The following MANBA variants were observed in gnomAD, a reference collection of about 807,000 sequenced individuals.
MANBA encodes the protein mannosidase beta.
A neutral mutation model predicts 111.1 loss-of-function variants in MANBA; 83 were observed. The ratio of observed to expected loss-of-function variants is 0.75; its 90% confidence interval spans 0.63 to 0.90. The LOEUF is 0.90. Ranked by LOEUF, MANBA falls within the 40% of genes least tolerant of loss-of-function variation. The probability of loss-of-function intolerance (pLI) is 0.00; values close to 1 mark genes in which losing one functional copy is unlikely to be tolerated. For synonymous variants in MANBA, 370 were observed against 378.7 expected, an observed-to-expected ratio of 0.98 and a Z score of 0.27; for missense variants, 1,036 against 1,069.0, an observed-to-expected ratio of 0.97 and a Z score of 0.43.
chr4:102,724,637 G>A (rs1722724940), intron 2 of MANBA, among the ~76,000 whole-genome samples: 1 of 151,904 alleles, frequency 6.6e-6, no homozygotes, highest in South Asian at 2.1e-4. Flanking sequence ...GAACACGTTA[G>A]AAAACTATCA....
chr4:102,704,278 C>T (rs529191967), intron 5 of MANBA, among the ~76,000 whole-genome samples: 339 of 152,142 alleles, frequency 2.2e-3, no homozygotes, highest in African/African-American at 7.5e-3. Flanking sequence ...ATTTATTGGG[C>T]GGTTATAATC....
At chr4:102,740,869 A>T (rs1723377721) in intron 1 of MANBA, among the ~76,000 whole-genome samples, 1 of 152,154 alleles carries the variant, frequency 6.6e-6, no homozygotes, top group Non-Finnish European at 1.5e-5. Flanking sequence ...ACATCAGAAA[A>T]ACTCTTCTAG....
chr4:102,730,285 G>C, intron 1 of MANBA: 1 of 546,170 alleles, frequency 1.8e-6, no homozygotes, highest in Non-Finnish European at 3.2e-6. Flanking sequence ...TCTCATGACC[G>C]GAGGAATTTA....
intron 1 of MANBA, among the ~76,000 whole-genome samples, chr4:102,748,654 C>A (rs771268743): frequency 1.2e-3 from 186 of 152,286 alleles, no homozygotes; most frequent in Non-Finnish European, 2.1e-3. Flanking sequence ...GTGGCTCATG[C>A]CTGTAATCCC....
At chr4:102,651,028 T>A (rs1329496239) in intron 12 of MANBA, among the ~76,000 whole-genome samples, 1 of 152,094 alleles carries the variant, frequency 6.6e-6, no homozygotes, top group African/African-American at 2.4e-5. Context: ...TATGTATTTT[T>A]AAATATCATT....
intron 7 of MANBA, among the ~76,000 whole-genome samples, chr4:102,687,369 T>C (rs959757298): frequency 1.3e-5 from 2 of 152,150 alleles, no homozygotes; most frequent in African/African-American, 4.8e-5. Context: ...CCTTACCCCC[T>C]CCTTAAAATC....
chr4:102,711,278 A>T (rs1468607086), intron 5 of MANBA, among the ~76,000 whole-genome samples: 1 of 152,232 alleles, frequency 6.6e-6, no homozygotes, highest in African/African-American at 2.4e-5. Flanking sequence ...AAAAAAGCAA[A>T]TAACCCCATT....
chr4:102,663,911 G>C (rs1255001304), intron 11 of MANBA, among the ~76,000 whole-genome samples: 1 of 152,176 alleles, frequency 6.6e-6, no homozygotes, highest in Non-Finnish European at 1.5e-5. Flanking sequence ...GTGGTGCAAA[G>C]AGAACCACTA....
intron 1 of MANBA, among the ~76,000 whole-genome samples, chr4:102,755,203 T>C (rs576920843): frequency 1.2e-4 from 19 of 152,172 alleles, no homozygotes; most frequent in South Asian, 4.2e-4. Context: ...AGGCATCACG[T>C]TACCTGACTT....
At chr4:102,753,875 G>A in intron 1 of MANBA, 1 of 415,066 alleles carries the variant, frequency 2.4e-6, no homozygotes, top group Non-Finnish European at 4.8e-6. Context: ...CTGAGCTCAG[G>A]AGATCGAGAC....
At chr4:102,729,228 G>A (rs1722930340) in intron 1 of MANBA, 1 of 738,194 alleles carries the variant, frequency 1.4e-6, no homozygotes, top group Admixed American at 1.8e-5. Flanking sequence ...CCTGGAGCTG[G>A]CTGATGTTCC....
At chr4:102,640,517 C>T (rs1340328792) in intron 13 of MANBA, among the ~76,000 whole-genome samples, 2 of 152,148 alleles carry the variant, frequency 1.3e-5, no homozygotes. Flanking sequence ...ATTACCGACA[C>T]CATCATGGAA....
At chr4:102,646,254 G>A (rs544485760) in intron 13 of MANBA, among the ~76,000 whole-genome samples, 2 of 151,944 alleles carry the variant, frequency 1.3e-5, no homozygotes, top group Non-Finnish European at 2.9e-5. Context: ...CAATGTTAAT[G>A]GTCACTCTTT....
chr4:102,716,568 A>T (rs1029661200), intron 4 of MANBA, among the ~76,000 whole-genome samples: 1 of 152,192 alleles, frequency 6.6e-6, no homozygotes, highest in African/African-American at 2.4e-5. Flanking sequence ...TTCCATATTA[A>T]GTTACAGAGT....
rs1345653464 is a variant in MANBA, at chr4:102,664,680, C to T, written c.1485+5G>A. On this transcript the variant is annotated splice_donor_5th_base_variant and intron_variant, in intron 11 of 16. Coordinates refer to ENST00000647097, the MANE Select transcript of MANBA (RefSeq NM_005908.4). ...AATTCTACTGCATTAAAAATCATTA[C>T]TTACTGCCAGTACGAGCTCTCTGAT... 1 of 1,607,496 alleles carries T rather than the reference C, an allele frequency of 6.2e-7. No individual in the cohort carries two copies. Among genetic ancestry groups the T allele is most frequent in the Non-Finnish European group, 8.5e-7 (1 of 1,174,012 alleles).
chr4:102,755,867 G>A (rs1377918201), intron 1 of MANBA, among the ~76,000 whole-genome samples: 1 of 152,242 alleles, frequency 6.6e-6, no homozygotes, highest in African/African-American at 2.4e-5. Flanking sequence ...AAAGACACAT[G>A]AAAAAATGCT....
intron 5 of MANBA, among the ~76,000 whole-genome samples, chr4:102,694,117 T>G (rs1431766782): frequency 6.6e-6 from 1 of 152,110 alleles, no homozygotes; most frequent in Non-Finnish European, 1.5e-5. Context: ...ATTCCCCAGT[T>G]TCTCTTGCTT....
At chr4:102,752,318 C>G in intron 1 of MANBA, 2 of 1,365,804 alleles carry the variant, frequency 1.5e-6, no homozygotes, top group Non-Finnish European at 2.1e-6. Flanking sequence ...AAACGTTTAG[C>G]ATCTGGAAGC....
intron 5 of MANBA, among the ~76,000 whole-genome samples, chr4:102,697,409 G>A (rs1301567639): frequency 6.6e-6 from 1 of 151,744 alleles, no homozygotes; most frequent in Non-Finnish European, 1.5e-5. Flanking sequence ...ACAATGTGCA[G>A]GTTAGTTACA....
Sources: gnomAD v4.1 joint callset for allele counts (sites outside exome capture counted in the v4.1 genomes callset) on GRCh38, gnomAD v4.1.1 for gene constraint, MANE v1.5 for transcripts, NCBI Gene and HGNC (gene_info 2026-07-23, HGNC 2026-07-21) for gene names.